The following RALGAPA1 variants were observed in gnomAD, a reference collection of about 807,000 sequenced individuals.
RALGAPA1 encodes ral GTPase-activating protein subunit alpha-1.
RALGAPA1 carries 52 observed loss-of-function variants against 269.6 expected under a neutral mutation model. The observed-to-expected ratio is 0.19, with a 90% CI of 0.15 to 0.24. The LOEUF (loss-of-function observed/expected upper bound fraction) is 0.24, where lower values mean the gene tolerates loss of function less well. Among genes scored for constraint, RALGAPA1 ranks in the 10% least tolerant of loss-of-function variants. RALGAPA1 has a pLI of 1.00. For missense variants in RALGAPA1, 1,917 were observed against 3,013.9 expected, an observed-to-expected ratio of 0.64 and a Z score of 8.52; for synonymous variants, 817 against 1,008.3, an observed-to-expected ratio of 0.81 and a Z score of 3.60.
At chr14:35,720,676 C>T (rs1194215851) in intron 16 of RALGAPA1, among the ~76,000 whole-genome samples, 4 of 152,174 alleles carry the variant, frequency 2.6e-5, no homozygotes, top group Admixed American at 6.5e-5. Flanking sequence ...CCTGTGATCT[C>T]AGCACTTTGA....
intron 30 of RALGAPA1, among the ~76,000 whole-genome samples, chr14:35,652,516 T>C (rs1238692456): frequency 6.6e-6 from 1 of 152,136 alleles, no homozygotes; most frequent in Non-Finnish European, 1.5e-5. Flanking sequence ...GTGATTCTCT[T>C]GCCTCAGCCT....
At chr14:35,606,775 GCAA>G (rs1311940518) in intron 35 of RALGAPA1, among the ~76,000 whole-genome samples, 59 of 149,166 alleles carry the variant, frequency 4.0e-4, no homozygotes, top group African/African-American at 1.4e-3. Context: ...AAAAAACCCT[GCAA>G]CAACAAGTAA....
intron 41 of RALGAPA1, among the ~76,000 whole-genome samples, chr14:35,545,903 G>C (rs910022272): frequency 1.3e-5 from 2 of 151,976 alleles, no homozygotes; most frequent in African/African-American, 4.8e-5. Flanking sequence ...TAAAGGAGAG[G>C]TATTTGTAAA....
intron 26 of RALGAPA1, among the ~76,000 whole-genome samples, chr14:35,667,073 G>T (rs1022937832): frequency 1.3e-5 from 2 of 152,078 alleles, no homozygotes; most frequent in African/African-American, 4.8e-5. Context: ...TGATCTCAAA[G>T]GATGGATTCA....
chr14:35,721,635 G>A (rs2296169), intron 16 of RALGAPA1, 53 bp downstream of exon 16: 188,882 of 1,427,634 alleles, frequency 0.13, 13,576 homozygotes, highest in African/African-American at 0.26. Flanking sequence ...TTGTTACCAA[G>A]GACTATAAAT....
chr14:35,705,267 A>G (rs1343191933), intron 16 of RALGAPA1, among the ~76,000 whole-genome samples: 1 of 152,198 alleles, frequency 6.6e-6, no homozygotes. Flanking sequence ...CATTACAAGT[A>G]TCATACAGAA....
At chr14:35,705,719 G>T (rs2140724560) in intron 16 of RALGAPA1, among the ~76,000 whole-genome samples, 1 of 152,212 alleles carries the variant, frequency 6.6e-6, no homozygotes, top group South Asian at 2.1e-4. Context: ...CTATGTTTAG[G>T]TTTGAAAGAA....
intron 39 of RALGAPA1, among the ~76,000 whole-genome samples, chr14:35,551,450 A>C (rs901232987): frequency 1.3e-5 from 2 of 152,180 alleles, no homozygotes; most frequent in Non-Finnish European, 2.9e-5. Flanking sequence ...CCACAGGAGA[A>C]CAGTCTGCTA....
rs187869097 is a variant in RALGAPA1 at position 35,681,016 on chromosome 14, T to G, written c.4471+2793A>C. Among the ~76,000 whole-genome samples the G allele has an allele frequency of 2.7e-3, 407 of 152,332 alleles. 2 individuals are homozygous for G. Among genetic ancestry groups the G allele is most frequent in the African/African-American group, 7.1e-3 (294 of 41,578 alleles). ...AAAACTATTCCTATAATGATATTCA[T>G]GACCTAAAAAGAGGTTATCTAATTT... On this transcript the variant is annotated intron_variant, in intron 21 of 41. Coordinates refer to ENST00000680220, the MANE Select transcript of RALGAPA1 (RefSeq NM_001346249.2).
Position 35,706,368 on chromosome 14 carries a change from G to A in RALGAPA1, c.2267-6066C>T, listed in dbSNP as rs114479977. Among the ~76,000 whole-genome samples, 330 of 152,224 alleles carry A rather than the reference G, an allele frequency of 2.2e-3. 3 individuals carry two copies. The highest frequency in any genetic ancestry group is 7.6e-3 in the African/African-American group (317 of 41,550). The stretch of plus-strand genomic sequence containing the variant: ...GGCATGTGGATGTCCAATTGTTACA[G>A]CACCATGTTGAAAAGACCATCCTTT... On this transcript the variant is annotated intron_variant, in intron 16 of 41. Transcript: ENST00000680220.
At chr14:35,639,049 T>C (rs1355177287) in intron 31 of RALGAPA1, among the ~76,000 whole-genome samples, 2 of 152,166 alleles carry the variant, frequency 1.3e-5, no homozygotes, top group African/African-American at 4.8e-5. Flanking sequence ...ATCTGTTGCC[T>C]ACAAGAAACA....
chr14:35,718,610 G>A (rs533184398), intron 16 of RALGAPA1, among the ~76,000 whole-genome samples: 1 of 152,158 alleles, frequency 6.6e-6, no homozygotes, highest in East Asian at 1.9e-4. Context: ...AAAGTCAGGA[G>A]TTCGACACCA....
At chr14:35,556,537 T>C (rs1307697471) in intron 39 of RALGAPA1, among the ~76,000 whole-genome samples, 1 of 152,230 alleles carries the variant, frequency 6.6e-6, no homozygotes, top group Non-Finnish European at 1.5e-5. Context: ...TAAAAATTCT[T>C]CTGAAAGTCT....
At chr14:35,624,014 G>T (rs900041622) in intron 35 of RALGAPA1, among the ~76,000 whole-genome samples, 16 of 151,580 alleles carry the variant, frequency 1.1e-4, no homozygotes, top group Non-Finnish European at 1.9e-4. Flanking sequence ...GTGAACCCGG[G>T]AGGCGGAGGT....
At chr14:35,759,822 G>T (rs1449929291) in intron 6 of RALGAPA1, among the ~76,000 whole-genome samples, 2 of 150,330 alleles carry the variant, frequency 1.3e-5, no homozygotes, top group Admixed American at 1.3e-4. Flanking sequence ...TGAGGCAGAA[G>T]AATTGCTTGA....
intron 27 of RALGAPA1, among the ~76,000 whole-genome samples, chr14:35,659,808 C>T (rs1037982625): frequency 1.3e-5 from 2 of 151,970 alleles, no homozygotes; most frequent in Non-Finnish European, 2.9e-5. Flanking sequence ...CACTGTGATG[C>T]AAGGATGGTT....
chr14:35,560,455 T>C (rs1463122422), intron 39 of RALGAPA1, among the ~76,000 whole-genome samples: 4 of 152,194 alleles, frequency 2.6e-5, no homozygotes, highest in East Asian at 1.9e-4. Flanking sequence ...TCTGAAATAT[T>C]AGCAGAATTC....
At chr14:35,700,354 T>C (rs1253743127) in intron 16 of RALGAPA1, 52 bp from the exon 17 acceptor site, 1 of 1,401,840 alleles carries the variant, frequency 7.1e-7, no homozygotes, top group Non-Finnish European at 9.4e-7. Flanking sequence ...AGAGTGACTA[T>C]AATGAAAGGC....
Position 35,700,249 on chromosome 14 carries a change from T to G in RALGAPA1, c.2320A>C (p.Ser774Arg). ...ECALPSAYIR[S>R]AKSAPVLIHT... ...ATCAGAACAGGAGCACTTTTAGCACTGCGTATATAGGCCGATGGCAGAGCA... is the reference window on the plus strand; with the variant it reads ...ATCAGAACAGGAGCACTTTTAGCACGGCGTATATAGGCCGATGGCAGAGCA... Residue 774 changes from serine (S) to arginine (R), a missense_variant, in exon 17 of 42, where the codon AGT becomes CGT. Ser to Arg is a moderately radical substitution (Grantham distance 110). This residue lies in a region of RALGAPA1 where 125 missense variants were observed against 155.7 expected (regional missense o/e 0.80). Transcript: ENST00000680220. The G allele has an allele frequency of 6.5e-7, 1 of 1,535,378 alleles. No homozygotes were observed. The highest frequency in any genetic ancestry group is 8.7e-7 in the Non-Finnish European group (1 of 1,146,602).
Sources: allele counts gnomAD v4.1 joint callset (sites outside exome capture counted in the v4.1 genomes callset), GRCh38; gene constraint gnomAD v4.1.1; regional missense constraint gnomAD v4.1.1; transcripts MANE v1.5; gene names NCBI Gene and HGNC (gene_info 2026-07-23, HGNC 2026-07-21).